The following ATP10B variants were observed in gnomAD, a reference collection of about 807,000 sequenced individuals.
The protein encoded by ATP10B is phospholipid-transporting ATPase VB.
ATP10B carries 122 observed loss-of-function variants against 141.2 expected under a neutral mutation model. The ratio of observed to expected loss-of-function variants is 0.86; its 90% confidence interval spans 0.75 to 1.00. ATP10B has a LOEUF of 1.00. ATP10B is among the 50% of genes least tolerant of loss of function. The probability of loss-of-function intolerance (pLI) is 0.00; values close to 1 mark genes in which losing one functional copy is unlikely to be tolerated. For missense variants in ATP10B, 1,876 were observed against 1,825.3 expected (o/e 1.03, Z -0.51); for synonymous variants, 685 against 692.0 (o/e 0.99, Z 0.16).
chr5:160,655,716 C>T (rs768310718), intron 7 of ATP10B, among the ~76,000 whole-genome samples: 50 of 152,180 alleles, frequency 3.3e-4, no homozygotes, highest in Non-Finnish European at 6.8e-4. Flanking sequence ...AATGTAGTCA[C>T]AGTCCTAGAT....
the ATP10B span, among the ~76,000 whole-genome samples, chr5:160,891,551 G>A: frequency 6.6e-6 from 1 of 152,188 alleles, no homozygotes; most frequent in South Asian, 2.1e-4. Flanking sequence ...CACCTCCCAG[G>A]TTCAAGGGAT....
At chr5:160,747,298 C>T (rs184204384) in intron 2 of ATP10B, among the ~76,000 whole-genome samples, 8 of 152,266 alleles carry the variant, frequency 5.3e-5, no homozygotes, top group Non-Finnish European at 8.8e-5. Flanking sequence ...CTTTTTCAAG[C>T]TTCCCAGGGC....
At chr5:160,801,528 G>C (rs998918632) in intron 1 of ATP10B, among the ~76,000 whole-genome samples, 1 of 152,192 alleles carries the variant, frequency 6.6e-6, no homozygotes, top group African/African-American at 2.4e-5. Flanking sequence ...CTCCATGAGG[G>C]AATGGATTGA....
At position 160,565,982 on chromosome 5, in the gene ATP10B, T is replaced by A. The variant is rs1047572050; in HGVS notation, c.3939-82A>T. On this transcript the variant is annotated intron_variant, in intron 25 of 25. Coordinates refer to ENST00000327245, the MANE Select transcript of ATP10B (RefSeq NM_025153.3). ...CAGCATTAAAAGATAGTCTTTAGAA[T>A]CCAACTCCCTGCCTGGAGCAAGATC... 5 of 1,322,244 alleles carry A rather than the reference T, an allele frequency of 3.8e-6. No homozygotes were observed. The African/African-American group carries it at 7.4e-5, about 20-fold the overall frequency. The allele number at this position is 1,322,244 out of a possible 1,614,324, so 81.9% of individuals were successfully genotyped here.
At chr5:160,766,272 CAATTTG>C (rs1561831822) in intron 2 of ATP10B, among the ~76,000 whole-genome samples, 12 of 150,788 alleles carry the variant, frequency 8.0e-5, no homozygotes, top group African/African-American at 2.9e-4. Context: ...TATAGCAGCA[CAATTTG>C]CAATTGCAAA....
At chr5:160,887,901 C>T in the ATP10B span, among the ~76,000 whole-genome samples, 104 of 152,326 alleles carry the variant, frequency 6.8e-4, no homozygotes, top group African/African-American at 1.9e-3. Flanking sequence ...CTAAGAGGCC[C>T]TTATCAACTG....
rs1767587106 is a variant in ATP10B, at chr5:160,743,114, A to G, written c.-330-26080T>C. Among the ~76,000 whole-genome samples, 4 of 152,224 alleles carry G rather than the reference A, an allele frequency of 2.6e-5. No individual in the cohort carries two copies. In the South Asian group the frequency reaches 8.3e-4, roughly 31 times the overall value. On this transcript the variant is annotated intron_variant, in intron 2 of 25. Coordinates refer to ENST00000327245, the MANE Select transcript of ATP10B (RefSeq NM_025153.3). ...TAAATCTTCACCACAACCCTATGGG[A>G]CTGGCATTATCGCTGCCCCATTTTG... is the stretch of plus-strand genomic sequence containing the variant.
chr5:160,635,685 T>A (rs1253649498), intron 11 of ATP10B, among the ~76,000 whole-genome samples: 1 of 152,218 alleles, frequency 6.6e-6, no homozygotes, highest in African/African-American at 2.4e-5. Flanking sequence ...CATCTCTTCA[T>A]CAATTACTGT....
intron 1 of ATP10B, among the ~76,000 whole-genome samples, chr5:160,816,045 C>T (rs1454289072): frequency 2.6e-5 from 4 of 151,546 alleles, no homozygotes; most frequent in Non-Finnish European, 4.4e-5. Context: ...CACTAAATGC[C>T]CACAAGAGAA....
chr5:160,832,235 CATA>C (rs1775135083), intron 1 of ATP10B, among the ~76,000 whole-genome samples: 1 of 152,112 alleles, frequency 6.6e-6, no homozygotes, highest in South Asian at 2.1e-4. Context: ...TAGAAATACT[CATA>C]AAACTCTGGC....
intron 1 of ATP10B, among the ~76,000 whole-genome samples, chr5:160,846,913 CAG>C (rs1465335050): frequency 2.0e-5 from 3 of 152,144 alleles, no homozygotes; most frequent in African/African-American, 7.2e-5. Flanking sequence ...GTAACTATCT[CAG>C]AGATTTATTG....
chr5:160,868,519 GATAC>G, the ATP10B span, among the ~76,000 whole-genome samples: 1 of 75,170 alleles, frequency 1.3e-5, no homozygotes, highest in African/African-American at 4.9e-5. Context: ...CATATGAACA[GATAC>G]ACACACACAC....
chr5:160,568,387 A>G (rs1470769252), intron 25 of ATP10B, among the ~76,000 whole-genome samples: 2 of 152,234 alleles, frequency 1.3e-5, no homozygotes, highest in African/African-American at 4.8e-5. Flanking sequence ...CAAACCACCA[A>G]ACTTATTAAA....
chr5:160,888,938 G>A, the ATP10B span, among the ~76,000 whole-genome samples: 2 of 152,162 alleles, frequency 1.3e-5, no homozygotes, highest in East Asian at 1.9e-4. Context: ...AACACTCAAT[G>A]CAGTAACCTT....
At chr5:160,786,550 A>G (rs1244792551) in intron 1 of ATP10B, among the ~76,000 whole-genome samples, 2 of 152,066 alleles carry the variant, frequency 1.3e-5, no homozygotes, top group Non-Finnish European at 2.9e-5. Context: ...ACTCCTATTC[A>G]ACGGCTCCCT....
chr5:160,585,991 G>A (rs181848550), intron 24 of ATP10B, among the ~76,000 whole-genome samples: 67 of 152,196 alleles, frequency 4.4e-4, no homozygotes, highest in African/African-American at 1.5e-3. Flanking sequence ...TTTAAGTTCC[G>A]GGATACATGT....
At chr5:160,778,295 G>C (rs1770480528) in intron 2 of ATP10B, among the ~76,000 whole-genome samples, 1 of 152,170 alleles carries the variant, frequency 6.6e-6, no homozygotes. Context: ...GCATTTAAAA[G>C]CATTTTATTT....
At chr5:160,903,083 T>C in the ATP10B span, among the ~76,000 whole-genome samples, 1 of 152,206 alleles carries the variant, frequency 6.6e-6, no homozygotes, top group Admixed American at 6.6e-5. Context: ...AATGGCTATT[T>C]ATTACTAGCC....
At chr5:160,853,704 G>T (rs1457468469), upstream of ATP10B, among the ~76,000 whole-genome samples, 2 of 152,076 alleles carry the variant, frequency 1.3e-5, no homozygotes, top group Non-Finnish European at 2.9e-5. Context: ...AATACTAACA[G>T]ACATATGGCA....
Sources: allele counts gnomAD v4.1 joint callset (sites outside exome capture counted in the v4.1 genomes callset), GRCh38; gene constraint gnomAD v4.1.1; transcripts MANE v1.5; gene names NCBI Gene and HGNC (gene_info 2026-07-23, HGNC 2026-07-21).